The following CEP72 variants were observed in gnomAD, a reference collection of about 807,000 sequenced individuals.
The protein encoded by CEP72 is centrosomal protein of 72 kDa.
A neutral mutation model predicts 65.7 loss-of-function variants in CEP72; 78 were observed. The ratio of observed to expected loss-of-function variants is 1.19; its 90% CI spans 0.99 to 1.43. CEP72 has a LOEUF of 1.43. CEP72 is among the 40% of genes most tolerant of loss of function. CEP72 has a pLI of 0.00. For missense variants in CEP72, 914 were observed against 832.9 expected, an observed-to-expected ratio of 1.10 and a Z score of -1.20; for synonymous variants, 358 against 351.7, an observed-to-expected ratio of 1.02 and a Z score of -0.20.
intron 7 of CEP72, among the ~76,000 whole-genome samples, chr5:638,604 C>G (rs1249636313): frequency 3.3e-5 from 5 of 152,004 alleles, no homozygotes; most frequent in Admixed American, 3.3e-4. Context: ...GTTTGACGTC[C>G]CCGGCAGGTC....
At position 624,424 on chromosome 5, in the gene CEP72, G is replaced by A. The variant is rs200065627; in HGVS notation, c.404-47G>A. ...TAGATGCCCCAGGGTGGATGCAGCCGCCCGCCGCTTGCCACCTGCACAGTC... is the reference window on the plus strand; with the variant it reads ...TAGATGCCCCAGGGTGGATGCAGCCACCCGCCGCTTGCCACCTGCACAGTC... On this transcript the variant is annotated intron_variant, in intron 3 of 11. Coordinates refer to ENST00000264935, the MANE Select transcript of CEP72 (RefSeq NM_018140.4). The surrounding 1 kb of genome is among the most constrained non-coding windows in gnomAD (Gnocchi z 4.7). The A allele has an allele frequency of 4.0e-5, 57 of 1,439,762 alleles. No homozygotes were observed. The highest frequency in any genetic ancestry group is 3.5e-4 in the Admixed American group (21 of 59,278). The allele number at this position is 1,439,762 out of a possible 1,614,324, so 89.2% of individuals were successfully genotyped here.
intron 6 of CEP72, among the ~76,000 whole-genome samples, chr5:635,819 G>A (rs2126782706): frequency 6.6e-6 from 1 of 152,388 alleles, no homozygotes; most frequent in East Asian, 1.9e-4. Flanking sequence ...CGGGAACCCA[G>A]CCCTGCGCTA....
rs770110094 is a variant in CEP72 at position 640,515 on chromosome 5, C to G, written c.1450C>G (p.Leu484Val). The change falls in exon 9 of 12, where the codon CTG becomes GTG. Residue 484 changes from leucine (L) to valine (V), a missense_variant. Transcript: ENST00000264935. ...VGSLALESKS[L>V]QSRLAEQQQQ... ...CTCCCTGGCTCTGGAGAGTAAGTCC[C>G]TGCAAAGCCGCCTTGCTGAGCAGCA... 4 of 1,614,226 alleles carry G rather than the reference C, an allele frequency of 2.5e-6. No individual in the cohort carries two copies. In the Admixed American group the frequency reaches 6.7e-5, roughly 27 times the overall value.
chr5:641,393 T>G (rs2126796315), intron 9 of CEP72: 2 of 985,456 alleles, frequency 2.0e-6, no homozygotes, highest in African/African-American at 3.5e-5. Flanking sequence ...TGTCAGCATC[T>G]TTAAATTGCG....
chr5:632,748 G>T (rs1220244566), intron 4 of CEP72, among the ~76,000 whole-genome samples: 4 of 32,286 alleles, frequency 1.2e-4, no homozygotes, highest in Non-Finnish European at 1.8e-4. Context: ...CAGTCCTGGT[G>T]GGGTTCTATC....
intron 3 of CEP72, chr5:665,412 T>C: frequency 2.1e-6 from 2 of 942,868 alleles, no homozygotes; most frequent in Non-Finnish European, 3.1e-6. Flanking sequence ...GCAAGGGGCA[T>C]AAACCCTGGG....
At chr5:649,290 A>G (rs62650519) in intron 11 of CEP72, among the ~76,000 whole-genome samples, 3,322 of 7,104 alleles carry the variant, frequency 0.47, 676 homozygotes, top group African/African-American at 0.6. Flanking sequence ...ACTGTGAGGC[A>G]TGGACTGTGA....
downstream of CEP72, among the ~76,000 whole-genome samples, chr5:656,556 T>G (rs1256083700): frequency 2.0e-5 from 3 of 152,200 alleles, no homozygotes; most frequent in Non-Finnish European, 4.4e-5. Context: ...TTTAAAAATG[T>G]GCTTGGATTT....
chr5:674,492 C>T, the CEP72 span, among the ~76,000 whole-genome samples: 8 of 151,988 alleles, frequency 5.3e-5, no homozygotes, highest in African/African-American at 1.7e-4. Context: ...TCTCCCGGTC[C>T]GAGTGCCCGG....
At chr5:636,070 A>G (rs1186470064) in intron 6 of CEP72, among the ~76,000 whole-genome samples, 1 of 152,260 alleles carries the variant, frequency 6.6e-6, no homozygotes, top group Non-Finnish European at 1.5e-5. Flanking sequence ...TAGAGTGGCA[A>G]TAAGTTTCCA....
rs919314236 is a variant in CEP72, at chr5:643,651, C to T, written c.1540-648C>T. On this transcript the variant is annotated intron_variant, in intron 9 of 11. Coordinates refer to ENST00000264935, the MANE Select transcript of CEP72 (RefSeq NM_018140.4). ...GGCCCCAGGATGTGCCTGCTGGTGC[C>T]TGAGAGAGCAGCAGCCAGGTGAGAC... The T allele has an allele frequency of 3.0e-6, 3 of 985,228 alleles. No homozygotes were observed. In the African/African-American group the frequency reaches 5.2e-5, roughly 17 times the overall value. The allele number at this position is 985,228 out of a possible 1,614,324, so 61.0% of individuals were successfully genotyped here.
At chr5:644,050 C>T (rs1277364344) in intron 9 of CEP72, 4 of 441,696 alleles carry the variant, frequency 9.1e-6, no homozygotes, top group Non-Finnish European at 1.6e-5. Context: ...GAGTGGGGCT[C>T]TCACAGGACT....
intron 5 of CEP72, among the ~76,000 whole-genome samples, chr5:634,544 G>A (rs1047837449): frequency 6.6e-5 from 10 of 152,208 alleles, no homozygotes; most frequent in African/African-American, 1.9e-4. Context: ...AGCGGTGCTC[G>A]AGCCATGTCC....
chr5:639,336 C>T, intron 8 of CEP72, 112 bp downstream of exon 8: 2 of 1,280,272 alleles, frequency 1.6e-6, no homozygotes, highest in Middle Eastern at 2.5e-4. Flanking sequence ...TCCTATGTCC[C>T]CTCCCACGAG....
chr5:625,146 C>T (rs1736665732), intron 4 of CEP72, among the ~76,000 whole-genome samples: 1 of 152,138 alleles, frequency 6.6e-6, no homozygotes, highest in African/African-American at 2.4e-5. Flanking sequence ...AGCCCTGCTG[C>T]CTGCATGTCT....
intron 11 of CEP72, among the ~76,000 whole-genome samples, chr5:648,601 C>T (rs868474494): frequency 1.8e-4 from 14 of 78,050 alleles, no homozygotes; most frequent in South Asian, 9.4e-4. Flanking sequence ...GACTGTGAGG[C>T]GTGGACTGTG....
chr5:643,400 C>T (rs1384381228), intron 9 of CEP72: 11 of 985,288 alleles, frequency 1.1e-5, no homozygotes, highest in East Asian at 1.1e-4. Flanking sequence ...AAATGAAGAA[C>T]GGGCCAAGAT....
chr5:654,066 CTG>C (rs1452944373), downstream of CEP72, among the ~76,000 whole-genome samples: 30 of 124,768 alleles, frequency 2.4e-4, no homozygotes, highest in Admixed American at 3.3e-4. Context: ...TGTGTGTGTG[CTG>C]TGTGTGCGCC....
chr5:672,367 ATCCACCCAGGT>A, the CEP72 span, among the ~76,000 whole-genome samples: 2 of 152,242 alleles, frequency 1.3e-5, no homozygotes, highest in African/African-American at 4.8e-5. Flanking sequence ...ACCACCCAGT[ATCCACCCAGGT>A]GTCTATAGGA....
Sources: allele counts gnomAD v4.1 joint callset (sites outside exome capture counted in the v4.1 genomes callset), GRCh38; gene constraint gnomAD v4.1.1; non-coding constraint Gnocchi (gnomAD v3.1); transcripts MANE v1.5; gene names NCBI Gene and HGNC (gene_info 2026-07-23, HGNC 2026-07-21).